The following CTTNBP2 variants were observed in gnomAD, a reference collection of about 807,000 sequenced individuals.
CTTNBP2 encodes cortactin-binding protein 2.
CTTNBP2 carries 108 observed loss-of-function variants against 156.9 expected under a neutral mutation model. That is an observed-to-expected ratio of 0.69 (90% confidence interval 0.59 to 0.81). The LOEUF is 0.81. CTTNBP2 is among the 30% of genes least tolerant of loss of function. The probability of loss-of-function intolerance (pLI) is 0.00; values close to 1 mark genes in which losing one functional copy is unlikely to be tolerated. For missense variants in CTTNBP2, 1,924 were observed against 2,035.4 expected, an observed-to-expected ratio of 0.95 and a Z score of 1.05; for synonymous variants, 767 against 751.8, an observed-to-expected ratio of 1.02 and a Z score of -0.33.
intron 2 of CTTNBP2, among the ~76,000 whole-genome samples, chr7:117,815,949 C>A (rs985560609): frequency 9.2e-5 from 14 of 151,930 alleles, no homozygotes; most frequent in African/African-American, 3.4e-4. Flanking sequence ...CACTACAGGG[C>A]AAAAAACAGG....
chr7:117,735,797 A>G (rs1166480300), intron 14 of CTTNBP2, among the ~76,000 whole-genome samples: 1 of 152,252 alleles, frequency 6.6e-6, no homozygotes, highest in Non-Finnish European at 1.5e-5. Flanking sequence ...ATAAAAGATT[A>G]TATACAATGT....
At chr7:117,801,563 G>GA (rs1799603914) in intron 3 of CTTNBP2, among the ~76,000 whole-genome samples, 1 of 152,108 alleles carries the variant, frequency 6.6e-6, no homozygotes, top group Non-Finnish European at 1.5e-5. Context: ...ATGTGGATTA[G>GA]AAAAAATGCT....
chr7:117,804,665 T>C (rs1231013117), intron 3 of CTTNBP2, among the ~76,000 whole-genome samples: 1 of 152,066 alleles, frequency 6.6e-6, no homozygotes, highest in Non-Finnish European at 1.5e-5. Flanking sequence ...CAAACTAACA[T>C]AGGAACAGAA....
intron 2 of CTTNBP2, among the ~76,000 whole-genome samples, chr7:117,856,197 C>T (rs1803307179): frequency 6.6e-6 from 1 of 152,166 alleles, no homozygotes; most frequent in East Asian, 1.9e-4. Context: ...CACCGATACA[C>T]CTGTGTGCAC....
chr7:117,754,235 C>T (rs1054382800), intron 12 of CTTNBP2, among the ~76,000 whole-genome samples: 7 of 152,198 alleles, frequency 4.6e-5, no homozygotes, highest in South Asian at 2.1e-4. Flanking sequence ...GTCCAAATGT[C>T]ATTACAGTAA....
chr7:117,828,761 C>A (rs1007882988), intron 2 of CTTNBP2, among the ~76,000 whole-genome samples: 3 of 152,174 alleles, frequency 2.0e-5, no homozygotes, highest in Non-Finnish European at 2.9e-5. Flanking sequence ...TATGTGTATA[C>A]AATTTTTCTC....
At chr7:117,776,325 C>T (rs1483869460) in intron 8 of CTTNBP2, among the ~76,000 whole-genome samples, 1 of 152,178 alleles carries the variant, frequency 6.6e-6, no homozygotes, top group Non-Finnish European at 1.5e-5. Context: ...CTCAAATCTT[C>T]TTGATGTTGT....
chr7:117,869,515 C>T (rs1335800859), intron 1 of CTTNBP2, among the ~76,000 whole-genome samples: 1 of 152,138 alleles, frequency 6.6e-6, no homozygotes, highest in South Asian at 2.1e-4. Flanking sequence ...CTGCTTTCTC[C>T]CAGCCACAGC....
At chr7:117,728,779 C>T (rs1326243810) in intron 16 of CTTNBP2, among the ~76,000 whole-genome samples, 5 of 152,194 alleles carry the variant, frequency 3.3e-5, no homozygotes, top group South Asian at 2.1e-4. Context: ...ACATTAACTA[C>T]ATAGGGCTTA....
intron 20 of CTTNBP2, 101 bp downstream of exon 20, chr7:117,720,964 CAT>C: frequency 1.2e-6 from 1 of 806,358 alleles, no homozygotes; most frequent in Admixed American, 1.9e-5. Flanking sequence ...ACCATATTAA[CAT>C]AATAGTCATT....
intron 2 of CTTNBP2, among the ~76,000 whole-genome samples, chr7:117,845,848 AT>A (rs536010752): frequency 8.6e-5 from 13 of 150,652 alleles, no homozygotes; most frequent in Admixed American, 2.0e-4. Context: ...GTTTCTGTTA[AT>A]TTTTTTTTCT....
chr7:117,864,776 A>ATTCATATATATTCATTC (rs1563077915), intron 1 of CTTNBP2, among the ~76,000 whole-genome samples: 2 of 135,102 alleles, frequency 1.5e-5, no homozygotes, highest in African/African-American at 6.2e-5. Context: ...TTCATTCAAT[A>ATTCATATATATTCATTC]TATATTCATA....
intron 2 of CTTNBP2, among the ~76,000 whole-genome samples, chr7:117,845,697 G>A (rs1802539724): frequency 6.6e-6 from 1 of 152,162 alleles, no homozygotes; most frequent in Non-Finnish European, 1.5e-5. Context: ...CTTCTCTATG[G>A]AGGGTTTTCA....
chr7:117,758,792 T>C (rs1797027903), intron 10 of CTTNBP2, among the ~76,000 whole-genome samples: 1 of 152,140 alleles, frequency 6.6e-6, no homozygotes, highest in Admixed American at 6.5e-5. Context: ...AACTCAACGA[T>C]TTTTCGATGT....
intron 2 of CTTNBP2, among the ~76,000 whole-genome samples, chr7:117,819,886 T>A (rs574809656): frequency 2.6e-5 from 4 of 152,320 alleles, no homozygotes; most frequent in Middle Eastern, 6.8e-3. Flanking sequence ...TTTATTTTGT[T>A]CCCAAAGCTA....
chr7:117,838,137 T>C (rs1802061928), intron 2 of CTTNBP2, among the ~76,000 whole-genome samples: 1 of 152,218 alleles, frequency 6.6e-6, no homozygotes, highest in Non-Finnish European at 1.5e-5. Context: ...CACCTAGAGA[T>C]AAGTACCACC....
chr7:117,825,843 AATG>A (rs1489828417), intron 2 of CTTNBP2, among the ~76,000 whole-genome samples: 1 of 152,206 alleles, frequency 6.6e-6, no homozygotes, highest in African/African-American at 2.4e-5. Flanking sequence ...TCATTATGAT[AATG>A]ATGATGCTCT....
At chr7:117,865,801 T>A (rs1254110141) in intron 1 of CTTNBP2, among the ~76,000 whole-genome samples, 1 of 150,394 alleles carries the variant, frequency 6.6e-6, no homozygotes, top group East Asian at 1.9e-4. Context: ...GTTTTAAAAA[T>A]CTGGCATGGC....
At chr7:117,753,785 G>A (rs1249719828) in intron 12 of CTTNBP2, among the ~76,000 whole-genome samples, 1 of 152,132 alleles carries the variant, frequency 6.6e-6, no homozygotes, top group Non-Finnish European at 1.5e-5. Flanking sequence ...GGGAGGGAGA[G>A]CATCAGGAAG....
Sources: allele counts gnomAD v4.1 joint callset (sites outside exome capture counted in the v4.1 genomes callset), GRCh38; gene constraint gnomAD v4.1.1; transcripts MANE v1.5; gene names NCBI Gene and HGNC (gene_info 2026-07-23, HGNC 2026-07-21).